SCN8A: variants seen among roughly 807,000 people sequenced by gnomAD.
The protein encoded by SCN8A is sodium voltage-gated channel alpha subunit 8, also known as sodium channel protein type 8 subunit alpha.
Under a neutral mutation model 184.1 loss-of-function variants are expected in SCN8A, and 30 were observed. That is an observed-to-expected ratio of 0.16 (90% CI 0.12 to 0.22). The LOEUF (loss-of-function observed/expected upper bound fraction) is 0.22. SCN8A is among the 10% of genes least tolerant of loss of function. SCN8A has a pLI of 1.00. For missense variants in SCN8A, 1,057 were observed against 2,498.9 expected, an observed-to-expected ratio of 0.42 and a Z score of 12.30; for synonymous variants, 852 against 907.0, an observed-to-expected ratio of 0.94 and a Z score of 1.09.
At chr12:51,627,763 T>C (rs1021075106) in intron 1 of SCN8A, among the ~76,000 whole-genome samples, 1 of 152,230 alleles carries the variant, frequency 6.6e-6, no homozygotes, top group African/African-American at 2.4e-5. Context: ...TTGTCTAGTA[T>C]TAATAATTTA....
chr12:51,667,074 A>G (rs1170351655), intron 2 of SCN8A, among the ~76,000 whole-genome samples: 1 of 152,212 alleles, frequency 6.6e-6, no homozygotes, highest in African/African-American at 2.4e-5. Context: ...AGGAACATTT[A>G]AATTTTTAAA....
chr12:51,633,539 T>G (rs1357069127), intron 1 of SCN8A, among the ~76,000 whole-genome samples: 2 of 152,252 alleles, frequency 1.3e-5, no homozygotes, highest in Admixed American at 1.3e-4. Flanking sequence ...GAATATGTCT[T>G]TCTCTCCTTG....
intron 20 of SCN8A, among the ~76,000 whole-genome samples, chr12:51,775,472 C>T (rs1005022294): frequency 2.0e-5 from 3 of 152,180 alleles, no homozygotes; most frequent in African/African-American, 7.2e-5. Flanking sequence ...CAGTTGCATC[C>T]CCATTTCAAA....
At position 51,687,238 on chromosome 12, in the gene SCN8A, T is replaced by G; in HGVS notation, c.614+19T>G. On this transcript the variant is annotated intron_variant, in intron 5 of 26. Coordinates refer to ENST00000627620, the MANE Select transcript of SCN8A (RefSeq NM_001330260.2). Reference sequence around the variant, plus strand: ...TGATGGCGTAAGTTCTCCCCTTACTTTATTGGTGTTCTGGGTGTGATTCTG... The same window carrying G: ...TGATGGCGTAAGTTCTCCCCTTACTGTATTGGTGTTCTGGGTGTGATTCTG... 4 of 1,612,342 alleles carry G rather than the reference T, an allele frequency of 2.5e-6. No individual in the cohort carries two copies. Among genetic ancestry groups the G allele is most frequent in the Non-Finnish European group, 3.4e-6 (4 of 1,178,814 alleles).
chr12:51,677,733 C>T (rs943418855), intron 2 of SCN8A, among the ~76,000 whole-genome samples: 1 of 152,182 alleles, frequency 6.6e-6, no homozygotes, highest in Non-Finnish European at 1.5e-5. Context: ...CCACATGACA[C>T]ATTTATTAAT....
rs1217889445 is a variant in SCN8A at position 51,812,267 on chromosome 12, T to G, written c.*4838T>G. On this transcript the variant is annotated 3_prime_UTR_variant, in exon 27 of 27. Coordinates refer to ENST00000627620, the MANE Select transcript of SCN8A (RefSeq NM_001330260.2). ...ATAGGTAAAGGGGAGTGTGGTCCAGTGGTTCCAGAAAAGGGACAGAACTGT... is the reference window on the plus strand; with the variant it reads ...ATAGGTAAAGGGGAGTGTGGTCCAGGGGTTCCAGAAAAGGGACAGAACTGT... 2.0e-5 allele frequency: 3 copies of G among 152,928 alleles called. No individual in the cohort carries two copies. Among genetic ancestry groups the G allele is most frequent in the African/African-American group, 7.2e-5 (3 of 41,382 alleles). 9.5% of individuals were successfully genotyped at this position (152,928 alleles called of 1,614,324 possible). A position where few individuals can be genotyped will look rare whatever the true frequency, so the allele number is the denominator to read the frequency against.
chr12:51,780,959 A>G (rs1281198048), intron 21 of SCN8A, among the ~76,000 whole-genome samples, 188 bp downstream of exon 21: 1 of 152,068 alleles, frequency 6.6e-6, no homozygotes, highest in Non-Finnish European at 1.5e-5. Context: ...GCCTCATCAC[A>G]TTAATATTGG....
intron 11 of SCN8A, among the ~76,000 whole-genome samples, chr12:51,711,424 A>T (rs1228261582): frequency 6.6e-6 from 1 of 152,224 alleles, no homozygotes; most frequent in East Asian, 1.9e-4. Context: ...TTGTCCCAGG[A>T]CTTTCCTGCA....
At position 51,706,451 on chromosome 12, in the gene SCN8A, T is replaced by A. The variant is rs972703260; in HGVS notation, c.1371T>A (p.Thr457=). ...QAAAMATSAG[T]VSEDAIEEEG... ...CTGCGATGGCCACTTCAGCAGGAAC[T>A]GTCTCAGAAGATGCCATAGAGGAAG... Residue 457 remains threonine (T), a synonymous_variant, in exon 11 of 27, where the codon ACT becomes ACA. Coordinates refer to ENST00000627620, the MANE Select transcript of SCN8A (RefSeq NM_001330260.2). The A allele has an allele frequency of 1.3e-6, 2 of 1,599,924 alleles. No homozygotes were observed. The highest frequency in any genetic ancestry group is 1.7e-5 in the Admixed American group (1 of 57,958).
chr12:51,766,286 G>C (rs1942836810), intron 16 of SCN8A: 1 of 532,068 alleles, frequency 1.9e-6, no homozygotes, highest in Non-Finnish European at 3.4e-6. Flanking sequence ...AAAATTAAGT[G>C]ACTTTCCCAA....
chr12:51,736,942 G>T (rs1942335599), intron 12 of SCN8A, among the ~76,000 whole-genome samples: 1 of 152,170 alleles, frequency 6.6e-6, no homozygotes, highest in African/African-American at 2.4e-5. Context: ...ACCATTACGA[G>T]ACCCATCTGT....
Position 51,637,582 on chromosome 12 carries a change from G to A in SCN8A, c.-54-25182G>A, listed in dbSNP as rs1047938892. On this transcript the variant is annotated intron_variant, in intron 1 of 26. Transcript: ENST00000627620. The stretch of plus-strand genomic sequence containing the variant: ...AGCCACAACATTTCCTTAAGCCAAC[G>A]CCCAATCCAGAGCAAGGCCCTAATT... Among the ~76,000 whole-genome samples, 3 of 152,266 alleles carry A rather than the reference G, an allele frequency of 2.0e-5. No individual in the cohort carries two copies. In the South Asian group the frequency reaches 6.2e-4, roughly 32 times the overall value.
rs556938868 is a variant in SCN8A, at chr12:51,772,987, T to G, written c.3646-1202T>G. ...AAAAAATTAGCCGGGTGTGGTGGCA[T>G]GTGCCTGTAGTCCCAGCTACTCGGA... On this transcript the variant is annotated intron_variant, in intron 19 of 26. Coordinates refer to ENST00000627620, the MANE Select transcript of SCN8A (RefSeq NM_001330260.2). Among the ~76,000 whole-genome samples the G allele has an allele frequency of 3.6e-3, 546 of 151,630 alleles. 5 individuals are homozygous for G. Among genetic ancestry groups the G allele is most frequent in the African/African-American group, 0.011 (453 of 41,038 alleles).
intron 12 of SCN8A, among the ~76,000 whole-genome samples, chr12:51,734,110 A>G (rs1270349984): frequency 6.6e-6 from 1 of 151,938 alleles, no homozygotes; most frequent in East Asian, 1.9e-4. Flanking sequence ...TTCTTCTACT[A>G]ATTTGGGGTT....
Position 51,746,045 on chromosome 12 carries a change from C to T in SCN8A, c.2131+10C>T. The T allele has an allele frequency of 6.3e-7, 1 of 1,581,832 alleles. No individual in the cohort carries two copies. The highest frequency in any genetic ancestry group is 8.6e-7 in the Non-Finnish European group (1 of 1,165,684). ...AATACACTAGTAGAAGGTATGTGCCCTATAATGTCAGTCCAACCGCTGAGA... is the reference window on the plus strand; with the variant it reads ...AATACACTAGTAGAAGGTATGTGCCTTATAATGTCAGTCCAACCGCTGAGA... On this transcript the variant is annotated intron_variant, in intron 13 of 26. Transcript: ENST00000627620.
At chr12:51,637,742 C>T (rs988870710) in intron 1 of SCN8A, among the ~76,000 whole-genome samples, 8 of 152,210 alleles carry the variant, frequency 5.3e-5, no homozygotes, top group Middle Eastern at 3.4e-3. Context: ...AAGGAGCAAG[C>T]GCTGATGGAG....
chr12:51,670,643 A>G (rs1941114298), intron 2 of SCN8A, among the ~76,000 whole-genome samples: 1 of 152,096 alleles, frequency 6.6e-6, no homozygotes, highest in South Asian at 2.1e-4. Flanking sequence ...GTGCTTAGAG[A>G]GGTGAATGGG....
At chr12:51,618,267 T>G (rs747984750) in intron 1 of SCN8A, among the ~76,000 whole-genome samples, 10 of 152,004 alleles carry the variant, frequency 6.6e-5, no homozygotes, top group Non-Finnish European at 1.5e-4. Flanking sequence ...TACTGTGAGG[T>G]AGGGCAGGAG....
intron 1 of SCN8A, among the ~76,000 whole-genome samples, chr12:51,635,676 T>G (rs549077311): frequency 6.6e-6 from 1 of 152,242 alleles, no homozygotes; most frequent in Non-Finnish European, 1.5e-5. Flanking sequence ...TGCTGGTGCC[T>G]TACTAGAAAT....
Sources: allele counts gnomAD v4.1 joint callset (sites outside exome capture counted in the v4.1 genomes callset), GRCh38; gene constraint gnomAD v4.1.1; transcripts MANE v1.5; gene names NCBI Gene and HGNC (gene_info 2026-07-23, HGNC 2026-07-21).